Variants in KLHL20 observed in about 807,000 individuals in gnomAD.
The protein encoded by KLHL20 is kelch-like protein 20.
Under a neutral mutation model 69.5 loss-of-function variants are expected in KLHL20, and 29 were observed. The observed-to-expected ratio is 0.42, with a 90% CI of 0.31 to 0.57. The LOEUF is 0.57. Among genes scored for constraint, KLHL20 ranks in the 20% least tolerant of loss-of-function variants. The pLI is 0.18. For synonymous variants in KLHL20, 253 were observed against 265.2 expected (o/e 0.95, Z 0.45); for missense variants, 419 against 776.0 (o/e 0.54, Z 5.47).
At position 173,742,735 on chromosome 1, in the gene KLHL20, T is replaced by A. The variant is rs538137858; in HGVS notation, c.597+8449T>A. 4.6e-5 allele frequency among the ~76,000 whole-genome samples: 7 copies of A among 151,142 alleles called. No individual in the cohort carries two copies. In the Middle Eastern group the frequency reaches 0.017, roughly 370 times the overall value. ...ATGTACACATGTATGTATATACATGTGTGTATATATGTAAATATGTATATA... is the reference window on the plus strand; with the variant it reads ...ATGTACACATGTATGTATATACATGAGTGTATATATGTAAATATGTATATA... On this transcript the variant is annotated intron_variant, in intron 3 of 11. Coordinates refer to ENST00000209884, the MANE Select transcript of KLHL20 (RefSeq NM_014458.4).
chr1:173,771,151 C>G (rs78449808), intron 8 of KLHL20, among the ~76,000 whole-genome samples: 12,559 of 152,228 alleles, frequency 0.083, 747 homozygotes, highest in East Asian at 0.32. Context: ...GTACAAAGGG[C>G]ACAGACAACT....
chr1:173,715,836 T>C (rs1671443676), intron 1 of KLHL20, among the ~76,000 whole-genome samples, 167 bp from the exon 2 acceptor site: 1 of 152,216 alleles, frequency 6.6e-6, no homozygotes, highest in South Asian at 2.1e-4. Context: ...AGGATGGTAA[T>C]CTTAAATGTA....
chr1:173,727,845 A>T (rs1391497463), intron 2 of KLHL20, among the ~76,000 whole-genome samples: 1 of 152,180 alleles, frequency 6.6e-6, no homozygotes, highest in Non-Finnish European at 1.5e-5. Context: ...GCATCAACTA[A>T]CGAGCAAAAT....
intron 3 of KLHL20, among the ~76,000 whole-genome samples, chr1:173,739,783 G>A (rs1004050379): frequency 2.0e-5 from 3 of 151,328 alleles, no homozygotes; most frequent in African/African-American, 7.3e-5. Context: ...GGGATTACAG[G>A]CACCTGCCAC....
intron 2 of KLHL20, among the ~76,000 whole-genome samples, chr1:173,724,928 G>A (rs758665450): frequency 5.3e-5 from 8 of 151,980 alleles, no homozygotes; most frequent in East Asian, 1.9e-4. Flanking sequence ...GACCATCCCC[G>A]TTAATTTCAG....
intron 2 of KLHL20, among the ~76,000 whole-genome samples, chr1:173,716,656 A>AT (rs1309349696): frequency 6.6e-6 from 1 of 152,130 alleles, no homozygotes; most frequent in East Asian, 1.9e-4. Context: ...GTTTTTTCTC[A>AT]TTTTGTTCTA....
At chr1:173,763,010 T>C (rs1647417430) in intron 7 of KLHL20, among the ~76,000 whole-genome samples, 1 of 152,136 alleles carries the variant, frequency 6.6e-6, no homozygotes, top group African/African-American at 2.4e-5. Flanking sequence ...CTAGAACTGA[T>C]AAAAGAATTC....
At chr1:173,726,969 G>A (rs1301237678) in intron 2 of KLHL20, among the ~76,000 whole-genome samples, 3 of 152,132 alleles carry the variant, frequency 2.0e-5, no homozygotes, top group African/African-American at 2.4e-5. Context: ...GAGGAAGTTC[G>A]AACCCATGGC....
chr1:173,777,841 T>A (rs1648571220), intron 10 of KLHL20, among the ~76,000 whole-genome samples: 1 of 152,198 alleles, frequency 6.6e-6, no homozygotes, highest in Non-Finnish European at 1.5e-5. Context: ...TTTTGCATCA[T>A]TGTTCATTGA....
At chr1:173,783,643 G>A (rs1267076875) in intron 11 of KLHL20, among the ~76,000 whole-genome samples, 2 of 152,070 alleles carry the variant, frequency 1.3e-5, no homozygotes, top group African/African-American at 4.8e-5. Flanking sequence ...CAAGGTGGGC[G>A]GATCACCTGA....
At chr1:173,735,737 T>C (rs1672499740) in intron 3 of KLHL20, among the ~76,000 whole-genome samples, 1 of 151,986 alleles carries the variant, frequency 6.6e-6, no homozygotes, top group African/African-American at 2.4e-5. Flanking sequence ...GTGTAGTCTT[T>C]TATCTCTCAC....
At chr1:173,750,903 C>T (rs1021379728) in intron 3 of KLHL20, among the ~76,000 whole-genome samples, 3 of 152,118 alleles carry the variant, frequency 2.0e-5, no homozygotes, top group African/African-American at 7.2e-5. Context: ...ATTTTTATGA[C>T]CTATTGCATA....
chr1:173,722,966 A>C (rs1331405041), intron 2 of KLHL20, among the ~76,000 whole-genome samples: 3 of 152,194 alleles, frequency 2.0e-5, no homozygotes, highest in Admixed American at 2.0e-4. Flanking sequence ...CTGGGATTAC[A>C]GGTGTGAGCC....
At chr1:173,731,162 G>A (rs1486637878) in intron 2 of KLHL20, among the ~76,000 whole-genome samples, 4 of 152,102 alleles carry the variant, frequency 2.6e-5, no homozygotes, top group Admixed American at 6.5e-5. Flanking sequence ...CAAAACCACA[G>A]TGAGATATCA....
intron 6 of KLHL20, 136 bp downstream of exon 6, chr1:173,756,174 T>C (rs1466187522): frequency 1.6e-6 from 1 of 629,352 alleles, no homozygotes; most frequent in Non-Finnish European, 2.8e-6. Flanking sequence ...GCTTGACTCA[T>C]AACCCATGAT....
At chr1:173,767,353 T>C (rs1258557317) in intron 8 of KLHL20, among the ~76,000 whole-genome samples, 2 of 152,216 alleles carry the variant, frequency 1.3e-5, no homozygotes, top group African/African-American at 4.8e-5. Context: ...GCAATGAATA[T>C]GAGAGTACAG....
chr1:173,769,780 CAAA>C (rs5779440), intron 8 of KLHL20, among the ~76,000 whole-genome samples: 14 of 87,018 alleles, frequency 1.6e-4, no homozygotes, highest in African/African-American at 2.0e-4. Context: ...GACCCTGTCT[CAAA>C]AAAAAAAAAA....
intron 3 of KLHL20, among the ~76,000 whole-genome samples, chr1:173,749,204 TAC>T (rs1201896821): frequency 2.6e-5 from 4 of 152,224 alleles, no homozygotes; most frequent in South Asian, 4.1e-4. Flanking sequence ...GCTTAATTCA[TAC>T]AGTGTTGCTC....
chr1:173,784,057 T>C (rs1397112513), intron 11 of KLHL20, among the ~76,000 whole-genome samples: 1 of 151,738 alleles, frequency 6.6e-6, no homozygotes, highest in Non-Finnish European at 1.5e-5. Context: ...CTAGCCTGAG[T>C]GGAAGAGCAA....
Sources: allele counts gnomAD v4.1 joint callset (sites outside exome capture counted in the v4.1 genomes callset), GRCh38; gene constraint gnomAD v4.1.1; transcripts MANE v1.5; gene names NCBI Gene and HGNC (gene_info 2026-07-23, HGNC 2026-07-21).